Variants in TDRD9 observed in about 807,000 individuals in gnomAD.
The protein encoded by TDRD9 is ATP-dependent RNA helicase TDRD9.
TDRD9 carries 124 observed loss-of-function variants against 172.6 expected under a neutral mutation model. The observed-to-expected ratio is 0.72, with a 90% CI of 0.62 to 0.83. The LOEUF (loss-of-function observed/expected upper bound fraction) is 0.83. Among genes scored for constraint, TDRD9 ranks in the 40% least tolerant of loss-of-function variants. The pLI, the probability that TDRD9 is intolerant of heterozygous loss-of-function variation, is 0.00. For synonymous variants in TDRD9, 619 were observed against 617.1 expected (o/e 1.00, Z -0.05); for missense variants, 1,479 against 1,714.1 (o/e 0.86, Z 2.42).
intron 7 of TDRD9, among the ~76,000 whole-genome samples, chr14:103,985,045 AGGC>A (rs1244509436): frequency 6.6e-6 from 1 of 152,180 alleles, no homozygotes; most frequent in African/African-American, 2.4e-5. Context: ...CCATTTGGAA[AGGC>A]TATATTTACC....
intron 1 of TDRD9, among the ~76,000 whole-genome samples, chr14:103,939,222 TG>T (rs1167774263): frequency 6.6e-6 from 1 of 152,226 alleles, no homozygotes; most frequent in East Asian, 1.9e-4. Context: ...CATCTCTTCA[TG>T]GCATATATTT....
chr14:104,040,167 A>G (rs1251805896), intron 32 of TDRD9, 29 bp from the exon 33 acceptor site: 20 of 1,395,376 alleles, frequency 1.4e-5, no homozygotes, highest in Admixed American at 2.9e-5. Flanking sequence ...TTCTGAAATA[A>G]TGGACTCTTC....
At chr14:103,979,374 A>G (rs1259671839) in intron 7 of TDRD9, among the ~76,000 whole-genome samples, 1 of 152,240 alleles carries the variant, frequency 6.6e-6, no homozygotes, top group Non-Finnish European at 1.5e-5. Flanking sequence ...GTAATTTATA[A>G]AAGAAAGAGG....
intron 20 of TDRD9, among the ~76,000 whole-genome samples, chr14:104,009,910 C>T (rs1332728972): frequency 2.0e-5 from 3 of 151,360 alleles, no homozygotes; most frequent in Admixed American, 2.0e-4. Flanking sequence ...GAACTACAGG[C>T]ATATGTCACC....
chr14:104,028,937 C>T (rs1004665093), intron 28 of TDRD9, among the ~76,000 whole-genome samples: 1 of 152,108 alleles, frequency 6.6e-6, no homozygotes, highest in African/African-American at 2.4e-5. Context: ...TGAAGAGACT[C>T]TCCTTTCCCC....
intron 1 of TDRD9, chr14:103,940,494 A>G (rs2031154847): frequency 4.5e-6 from 1 of 220,602 alleles, no homozygotes; most frequent in African/African-American, 2.3e-5. Context: ...GTTAATATCT[A>G]AGTTTTGTAC....
In TDRD9 at chr14:104,047,520, CTT is replaced by C. The variant is rs756842869; in HGVS notation, c.3975-2085_3975-2084del. Among the ~76,000 whole-genome samples, 9 of 152,260 alleles carry C rather than the reference CTT, an allele frequency of 5.9e-5. No individual in the cohort carries two copies. The South Asian group carries it at 1.9e-3, about 32-fold the overall frequency. ...CTACCATTTGTGAGCTTTTTCTATCCTTTTACTTACAGTATATTTGCAGTTTT... is the reference window on the plus strand; with the variant it reads ...CTACCATTTGTGAGCTTTTTCTATCCTTACTTACAGTATATTTGCAGTTTT... On this transcript the variant is annotated intron_variant, in intron 34 of 35. Coordinates refer to ENST00000409874, the MANE Select transcript of TDRD9 (RefSeq NM_153046.3).
At chr14:103,975,021 C>G (rs1453547148) in intron 6 of TDRD9, among the ~76,000 whole-genome samples, 1 of 152,108 alleles carries the variant, frequency 6.6e-6, no homozygotes, top group African/African-American at 2.4e-5. Context: ...GTCCTCCTGC[C>G]TCAGCCTCCC....
chr14:103,994,368 C>T lies in TDRD9; in HGVS notation c.1217C>T (p.Thr406Ile). Residue 406 changes from threonine (T) to isoleucine (I), a missense_variant, in exon 10 of 36, where the codon ACA (threonine) becomes ATA (isoleucine). Physicochemically the swap from Thr to Ile is moderately conservative, Grantham distance 89. Coordinates refer to ENST00000409874, the MANE Select transcript of TDRD9 (RefSeq NM_153046.3). ...GEINYMHELL[T>I]SLVHKRLQVY... ...ATAAATTATATGCATGAACTTCTCA[C>T]AAGCCTGGTTCATAAAAGGTATGTT... is the stretch of plus-strand genomic sequence containing the variant. 1 of 1,613,608 alleles carries T rather than the reference C, an allele frequency of 6.2e-7. No homozygotes were observed. Among genetic ancestry groups the T allele is most frequent in the Non-Finnish European group, 8.5e-7 (1 of 1,179,642 alleles).
rs535805917 is a variant in TDRD9, at chr14:103,944,581, T to C, written c.216-11083T>C. Among the ~76,000 whole-genome samples, 16 of 116,588 alleles carry C rather than the reference T, an allele frequency of 1.4e-4. No homozygotes were observed. The South Asian group carries it at 5.2e-3, about 38-fold the overall frequency. 76.5% of individuals were successfully genotyped at this position (116,588 alleles called of 152,430 possible). A position where few individuals can be genotyped will look rare whatever the true frequency, so the allele number is the denominator to read the frequency against. On this transcript the variant is annotated intron_variant, in intron 1 of 35. Coordinates refer to ENST00000409874, the MANE Select transcript of TDRD9 (RefSeq NM_153046.3). ...CCACCCCGCCCCCCACCCTTTTTTT[T>C]TTGAGATGGAGTCTTGCTCTGTCGC...
chr14:103,938,194 G>C (rs1740288920), intron 1 of TDRD9, among the ~76,000 whole-genome samples: 2 of 151,804 alleles, frequency 1.3e-5, no homozygotes, highest in Admixed American at 6.6e-5. Context: ...TAAATGGATT[G>C]GGCTGGCTAG....
At chr14:103,930,542 T>C (rs908154199) in intron 1 of TDRD9, among the ~76,000 whole-genome samples, 5 of 152,224 alleles carry the variant, frequency 3.3e-5, no homozygotes, top group Non-Finnish European at 7.3e-5. Flanking sequence ...AGGCCCAGAC[T>C]CTGGGTCAAG....
rs1290516824 is a variant in TDRD9, at chr14:104,007,200, C to T, written c.2048C>T (p.Pro683Leu). The T allele has an allele frequency of 6.2e-6, 10 of 1,613,672 alleles. No homozygotes were observed. The highest frequency in any genetic ancestry group is 2.7e-5 in the African/African-American group (2 of 74,876). The change falls in exon 19 of 36, where the codon CCG becomes CTG. Residue 683 changes from proline (P) to leucine (L), a missense_variant. Around this residue, in one of 3 missense-constraint regions of TDRD9, gnomAD observed 1,413 missense variants for 1,649.1 expected, o/e 0.86. Transcript: ENST00000409874. Reference protein sequence around the residue: ...ACRQTGELRYPKDELNWGRLN... With the variant: ...ACRQTGELRYLKDELNWGRLN... ...AGACAGACAGGGGAGCTGCGGTACC[C>T]GAAGGTTGGTGAGCCCTTTCCTGCT... is the stretch of plus-strand genomic sequence containing the variant.
intron 32 of TDRD9, among the ~76,000 whole-genome samples, chr14:104,036,576 C>T (rs1168132721): frequency 6.6e-6 from 1 of 152,092 alleles, no homozygotes; most frequent in Non-Finnish European, 1.5e-5. Flanking sequence ...AGACAAAGCT[C>T]CTGCTTCACC....
At chr14:103,974,518 G>A (rs1057148339) in intron 6 of TDRD9, among the ~76,000 whole-genome samples, 10 of 152,142 alleles carry the variant, frequency 6.6e-5, no homozygotes, top group South Asian at 2.1e-4. Context: ...CACCACTGTC[G>A]TCCTGGGACT....
chr14:104,014,652 A>AT, intron 20 of TDRD9, 73 bp from the exon 21 acceptor site: 1 of 811,738 alleles, frequency 1.2e-6, no homozygotes, highest in Admixed American at 1.9e-5. Flanking sequence ...TTGTGCACTT[A>AT]TTTTCTAGTG....
At chr14:103,941,430 A>G (rs1001085720) in intron 1 of TDRD9, 12 of 1,535,182 alleles carry the variant, frequency 7.8e-6, no homozygotes, top group Middle Eastern at 1.7e-4. Context: ...GCAAGGTTGA[A>G]CTTGTGAGCA....
intron 1 of TDRD9, among the ~76,000 whole-genome samples, chr14:103,937,366 C>G (rs558199682): frequency 5.9e-5 from 9 of 152,292 alleles, no homozygotes; most frequent in Admixed American, 4.6e-4. Context: ...CAGTGCTTCC[C>G]GTCGCTCCCT....
chr14:104,044,663 T>G (rs1042712996), intron 34 of TDRD9, among the ~76,000 whole-genome samples: 1 of 152,274 alleles, frequency 6.6e-6, no homozygotes, highest in Non-Finnish European at 1.5e-5. Flanking sequence ...TTGTTTGTTA[T>G]GCCACTTTTT....
Sources: gnomAD v4.1 joint callset for allele counts (sites outside exome capture counted in the v4.1 genomes callset) on GRCh38, gnomAD v4.1.1 for gene constraint, gnomAD v4.1.1 regional missense constraint, MANE v1.5 for transcripts, NCBI Gene and HGNC (gene_info 2026-07-23, HGNC 2026-07-21) for gene names.